CTNNA2: variants seen among roughly 807,000 people sequenced by gnomAD.
CTNNA2 encodes catenin alpha 2.
Under a neutral mutation model 101.0 loss-of-function variants are expected in CTNNA2, and 42 were observed. That is an observed-to-expected ratio of 0.42 (90% CI 0.32 to 0.54). The LOEUF is 0.54. CTNNA2 is among the 20% of genes least tolerant of loss of function. CTNNA2 has a pLI of 0.14. For missense variants in CTNNA2, 871 were observed against 1,223.1 expected (o/e 0.71, Z 4.29); for synonymous variants, 450 against 456.4 (o/e 0.99, Z 0.18).
chr2:80,263,593 C>T (rs1176267041), intron 7 of CTNNA2, among the ~76,000 whole-genome samples: 4 of 152,196 alleles, frequency 2.6e-5, no homozygotes, highest in African/African-American at 7.2e-5. Flanking sequence ...GCCTCGGCCT[C>T]CCAAAGTGCA....
At position 79,967,116 on chromosome 2, in the gene CTNNA2, A is replaced by ATG. The variant is rs537359067; in HGVS notation, c.1056+57319_1056+57320insTG. On this transcript the variant is annotated intron_variant, in intron 7 of 18. Coordinates refer to ENST00000402739, the MANE Select transcript of CTNNA2 (RefSeq NM_001282597.3). ...CCTATGCGTGCACACACGCGCACGC[A>ATG]CGTGTGTGTGTGTGTGTGTGTGTAT... 7.6e-5 allele frequency among the ~76,000 whole-genome samples: 3 copies of ATG among 39,560 alleles called. No homozygotes were observed. In the Admixed American group the frequency reaches 8.5e-4, roughly 11 times the overall value. 26.0% of individuals were successfully genotyped at this position (39,560 alleles called of 152,430 possible).
chr2:80,285,467 C>A (rs1558969318), intron 7 of CTNNA2, among the ~76,000 whole-genome samples: 1 of 152,140 alleles, frequency 6.6e-6, no homozygotes. Flanking sequence ...AAGATCAAGC[C>A]TGGGTGTCTT....
At chr2:79,552,413 C>T (rs1479329676) in intron 1 of CTNNA2, among the ~76,000 whole-genome samples, 1 of 152,164 alleles carries the variant, frequency 6.6e-6, no homozygotes, top group African/African-American at 2.4e-5. Context: ...ATTCCAGGCA[C>T]ATGGTGCAAG....
chr2:80,457,320 T>C (rs1382276593), intron 9 of CTNNA2, among the ~76,000 whole-genome samples: 1 of 152,108 alleles, frequency 6.6e-6, no homozygotes, highest in Non-Finnish European at 1.5e-5. Context: ...CGCCTTGGCC[T>C]CCCAAACTGC....
chr2:79,748,222 C>T (rs538324862), intron 3 of CTNNA2, among the ~76,000 whole-genome samples: 1 of 152,236 alleles, frequency 6.6e-6, no homozygotes, highest in African/African-American at 2.4e-5. Flanking sequence ...TGAGAGCCTG[C>T]ATTGATTTTC....
At chr2:80,623,921 G>A (rs1671404220) in intron 18 of CTNNA2, among the ~76,000 whole-genome samples, 2 of 151,912 alleles carry the variant, frequency 1.3e-5, no homozygotes, top group Admixed American at 6.6e-5. Context: ...GGTAGTATAA[G>A]CATATTCTCA....
intron 7 of CTNNA2, among the ~76,000 whole-genome samples, chr2:79,951,231 C>A (rs534752294): frequency 1.2e-3 from 184 of 152,300 alleles, no homozygotes; most frequent in East Asian, 7.7e-4. Flanking sequence ...TTAGAATAAT[C>A]TGTGGGACTT....
intron 1 of CTNNA2, among the ~76,000 whole-genome samples, chr2:79,188,564 T>C (rs1673812094): frequency 6.6e-6 from 1 of 152,102 alleles, no homozygotes; most frequent in Non-Finnish European, 1.5e-5. Flanking sequence ...GTGAGGCAAA[T>C]GTGAGGTACA....
At chr2:79,985,600 C>G (rs1372719998) in intron 7 of CTNNA2, among the ~76,000 whole-genome samples, 1 of 152,170 alleles carries the variant, frequency 6.6e-6, no homozygotes, top group Non-Finnish European at 1.5e-5. Flanking sequence ...TGGGGTAAAG[C>G]AAATGTTGTC....
rs75936710 is a variant in CTNNA2 at position 79,821,933 on chromosome 2, T to C, written c.299-36080T>C. On this transcript the variant is annotated intron_variant, in intron 3 of 18. Coordinates refer to ENST00000402739, the MANE Select transcript of CTNNA2 (RefSeq NM_001282597.3). ...TTATAAACATAAAACTTAAGAAAAGTATAGCAATGGTTAACAAAATCCTTG... is the reference window on the plus strand; with the variant it reads ...TTATAAACATAAAACTTAAGAAAAGCATAGCAATGGTTAACAAAATCCTTG... 8.0e-3 allele frequency among the ~76,000 whole-genome samples: 1,213 copies of C among 152,322 alleles called. 17 individuals are homozygous for C. The highest frequency in any genetic ancestry group is 0.028 in the African/African-American group (1,155 of 41,574).
rs576456546 is a variant in CTNNA2, at chr2:79,856,678, C to T, written c.299-1335C>T. Among the ~76,000 whole-genome samples, 8 of 152,262 alleles carry T rather than the reference C, an allele frequency of 5.3e-5. 1 individual carries two copies. In the South Asian group the frequency reaches 1.7e-3, roughly 32 times the overall value. On this transcript the variant is annotated intron_variant, in intron 3 of 18. Transcript: ENST00000402739. ...CCTTGTTAATTATCTCTTTGTTTCCCATTCCTGGGTCCCTTGATGCAAATA... is the reference window on the plus strand; with the variant it reads ...CCTTGTTAATTATCTCTTTGTTTCCTATTCCTGGGTCCCTTGATGCAAATA...
At chr2:79,204,870 C>G (rs1674081918) in intron 2 of CTNNA2, among the ~76,000 whole-genome samples, 1 of 152,224 alleles carries the variant, frequency 6.6e-6, no homozygotes, top group Non-Finnish European at 1.5e-5. Flanking sequence ...AATTAGTCAA[C>G]CCTTGAGGGC....
At chr2:80,326,093 G>A (rs189926583) in intron 7 of CTNNA2, among the ~76,000 whole-genome samples, 202 of 152,290 alleles carry the variant, frequency 1.3e-3, no homozygotes, top group African/African-American at 4.6e-3. Flanking sequence ...TTTCAAAGTC[G>A]CAGTGGTGAA....
chr2:80,593,920 G>T (rs1371415429), intron 15 of CTNNA2, among the ~76,000 whole-genome samples: 3 of 152,114 alleles, frequency 2.0e-5, no homozygotes, highest in Non-Finnish European at 4.4e-5. Flanking sequence ...TGGCTATTAT[G>T]AATAATGCTG....
chr2:79,541,627 A>C (rs1209105025), intron 1 of CTNNA2, among the ~76,000 whole-genome samples: 1 of 148,352 alleles, frequency 6.7e-6, no homozygotes, highest in East Asian at 2.0e-4. Flanking sequence ...CCCAATCTTC[A>C]TAATTTTTTT....
At chr2:80,049,340 C>G (rs113978456) in intron 7 of CTNNA2, among the ~76,000 whole-genome samples, 4,191 of 152,122 alleles carry the variant, frequency 0.028, 190 homozygotes, top group African/African-American at 0.095. Flanking sequence ...ATCTGAAAGA[C>G]GGCAGAACAA....
intron 7 of CTNNA2, among the ~76,000 whole-genome samples, chr2:80,336,788 C>T (rs775968485): frequency 4.6e-5 from 7 of 152,164 alleles, no homozygotes; most frequent in Admixed American, 3.9e-4. Context: ...AAGCAGGTTC[C>T]GTAAGGTGCT....
At chr2:80,207,266 G>A (rs1283388645) in intron 7 of CTNNA2, among the ~76,000 whole-genome samples, 3 of 152,212 alleles carry the variant, frequency 2.0e-5, no homozygotes, top group Non-Finnish European at 4.4e-5. Context: ...AGGGTAGGAG[G>A]TGTGGTACAA....
At chr2:80,073,730 TCACACACACACACA>T (rs3067109) in intron 7 of CTNNA2, among the ~76,000 whole-genome samples, 35 of 130,426 alleles carry the variant, frequency 2.7e-4, no homozygotes, top group African/African-American at 6.0e-4. Context: ...TCTCTCTCTG[TCACACACACACACA>T]CACACACACA....
Sources: allele counts gnomAD v4.1 joint callset (sites outside exome capture counted in the v4.1 genomes callset), GRCh38; gene constraint gnomAD v4.1.1; transcripts MANE v1.5; gene names NCBI Gene and HGNC (gene_info 2026-07-23, HGNC 2026-07-21).